MRPS28: variants seen among roughly 807,000 people sequenced by gnomAD.
MRPS28 encodes mitochondrial ribosomal protein S28.
MRPS28 carries 7 observed loss-of-function variants against 10.8 expected under a neutral mutation model. That is an observed-to-expected ratio of 0.65 (90% confidence interval 0.37 to 1.22). MRPS28 has a LOEUF of 1.22. Among genes scored for constraint, MRPS28 ranks in the 50% most tolerant of loss-of-function variants. The probability of loss-of-function intolerance (pLI) is 0.02; values close to 1 mark genes in which losing one functional copy is unlikely to be tolerated. For synonymous variants in MRPS28, 121 were observed against 93.3 expected (o/e 1.30, Z -1.71); for missense variants, 265 against 232.9 (o/e 1.14, Z -0.90).
rs112040252 is a variant in MRPS28, at chr8:80,009,227, G to A, written c.214-6047C>T. Among the ~76,000 whole-genome samples, 1,142 of 152,164 alleles carry A rather than the reference G, an allele frequency of 7.5e-3. 18 individuals carry two copies. Among genetic ancestry groups the A allele is most frequent in the Middle Eastern group, 0.014 (4 of 294 alleles). On this transcript the variant is annotated intron_variant, in intron 1 of 2. Transcript: ENST00000276585. ...TACTCATAGGTGGGAATTGAACAGC[G>A]AAAACACCTGGACACAGGAAAGGGA...
intron 1 of MRPS28, among the ~76,000 whole-genome samples, chr8:80,020,040 C>T (rs6984947): frequency 0.013 from 2,018 of 152,262 alleles, 63 homozygotes; most frequent in African/African-American, 0.044. Context: ...ATTGGTTACA[C>T]TGGTTCAGTC....
At chr8:79,976,874 C>G (rs1172141797) in intron 2 of MRPS28, among the ~76,000 whole-genome samples, 2 of 151,984 alleles carry the variant, frequency 1.3e-5, no homozygotes, top group African/African-American at 4.8e-5. Context: ...AATCTGTTTA[C>G]ATAAACCTGA....
intron 2 of MRPS28, among the ~76,000 whole-genome samples, chr8:79,929,237 C>T (rs1016793843): frequency 6.6e-6 from 1 of 152,262 alleles, no homozygotes; most frequent in Admixed American, 6.5e-5. Context: ...ATCACAAGCT[C>T]AATAAGAATC....
chr8:79,978,683 CT>C (rs937600463), intron 2 of MRPS28, among the ~76,000 whole-genome samples: 6 of 152,158 alleles, frequency 3.9e-5, no homozygotes, highest in African/African-American at 1.4e-4. Flanking sequence ...TTTACCCACT[CT>C]TCACTCCACC....
intron 2 of MRPS28, among the ~76,000 whole-genome samples, chr8:79,921,335 T>C (rs978599971): frequency 3.0e-4 from 45 of 147,814 alleles, no homozygotes; most frequent in Admixed American, 8.7e-4. Context: ...AGAAAGTCAT[T>C]GGTAGCTTGA....
chr8:79,985,064 T>C (rs184314315), intron 2 of MRPS28, among the ~76,000 whole-genome samples: 57 of 152,290 alleles, frequency 3.7e-4, no homozygotes, highest in Non-Finnish European at 6.9e-4. Flanking sequence ...TCAGAAATTA[T>C]AACAAACTGT....
At chr8:79,961,663 CTTAA>C (rs1347969201) in intron 2 of MRPS28, among the ~76,000 whole-genome samples, 1 of 152,080 alleles carries the variant, frequency 6.6e-6, no homozygotes, top group Non-Finnish European at 1.5e-5. Flanking sequence ...AAAAGAGTGG[CTTAA>C]TTAATTGCTG....
intron 2 of MRPS28, among the ~76,000 whole-genome samples, chr8:79,985,572 A>G (rs2130098400): frequency 6.6e-6 from 1 of 152,332 alleles, no homozygotes; most frequent in South Asian, 2.1e-4. Context: ...ACATAGACGC[A>G]ATAAAAAATG....
At chr8:79,982,759 G>C (rs571430452) in intron 2 of MRPS28, among the ~76,000 whole-genome samples, 1 of 152,200 alleles carries the variant, frequency 6.6e-6, no homozygotes, top group Non-Finnish European at 1.5e-5. Flanking sequence ...CAAAGCAGCC[G>C]GGAAGCTCGA....
At chr8:79,997,815 G>A (rs953911669) in intron 2 of MRPS28, among the ~76,000 whole-genome samples, 1 of 152,132 alleles carries the variant, frequency 6.6e-6, no homozygotes, top group African/African-American at 2.4e-5. Flanking sequence ...AGCACTTTGG[G>A]AGGCTGAGAC....
chr8:79,926,811 A>C (rs1388017398), intron 2 of MRPS28, among the ~76,000 whole-genome samples: 1 of 152,176 alleles, frequency 6.6e-6, no homozygotes, highest in Non-Finnish European at 1.5e-5. Flanking sequence ...GAATATTTTT[A>C]AAGTTGTTTT....
chr8:79,949,174 G>A (rs919339498), intron 2 of MRPS28, among the ~76,000 whole-genome samples: 1 of 152,118 alleles, frequency 6.6e-6, no homozygotes. Context: ...CCAACACTTT[G>A]GGAGGCCAAG....
At chr8:79,945,137 T>A (rs2129947064) in intron 2 of MRPS28, among the ~76,000 whole-genome samples, 1 of 152,244 alleles carries the variant, frequency 6.6e-6, no homozygotes, top group Non-Finnish European at 1.5e-5. Context: ...TAAGTTTCAA[T>A]AAAGCCAGTA....
At chr8:79,970,845 T>C (rs1284720837) in intron 2 of MRPS28, among the ~76,000 whole-genome samples, 1 of 152,220 alleles carries the variant, frequency 6.6e-6, no homozygotes, top group Non-Finnish European at 1.5e-5. Context: ...TGCTCTAACA[T>C]TGCAGTAACA....
intron 1 of MRPS28, among the ~76,000 whole-genome samples, chr8:80,026,297 GA>G (rs1477304108): frequency 1.3e-5 from 2 of 152,150 alleles, no homozygotes; most frequent in African/African-American, 2.4e-5. Flanking sequence ...GAAAAACACT[GA>G]AAACTTCCAG....
chr8:79,998,135 A>G (rs1010187835), intron 2 of MRPS28, among the ~76,000 whole-genome samples: 1 of 152,156 alleles, frequency 6.6e-6, no homozygotes, highest in African/African-American at 2.4e-5. Context: ...ACTGGAAGAA[A>G]CCAAAGTGCC....
intron 2 of MRPS28, among the ~76,000 whole-genome samples, chr8:79,978,373 G>A (rs1317627330): frequency 6.6e-6 from 1 of 151,884 alleles, no homozygotes; most frequent in African/African-American, 2.4e-5. Flanking sequence ...AATCTAAGTA[G>A]TTTAAAACAA....
intron 2 of MRPS28, among the ~76,000 whole-genome samples, chr8:79,989,148 C>A (rs776018575): frequency 7.6e-4 from 116 of 151,958 alleles, no homozygotes; most frequent in Non-Finnish European, 1.3e-3. Flanking sequence ...GATGAATGAA[C>A]GGTAATTTGG....
intron 1 of MRPS28, among the ~76,000 whole-genome samples, chr8:80,004,498 T>G (rs887962965): frequency 6.6e-6 from 1 of 151,994 alleles, no homozygotes. Context: ...GTCACCATCA[T>G]CAAAGACCAA....
Sources: allele counts gnomAD v4.1 joint callset (sites outside exome capture counted in the v4.1 genomes callset), GRCh38; gene constraint gnomAD v4.1.1; transcripts MANE v1.5; gene names NCBI Gene and HGNC (gene_info 2026-07-23, HGNC 2026-07-21).